The following RIC1 variants were observed in gnomAD, a reference collection of about 807,000 sequenced individuals.
The protein encoded by RIC1 is guanine nucleotide exchange factor subunit RIC1.
Under a neutral mutation model 169.0 loss-of-function variants are expected in RIC1, and 88 were observed. The ratio of observed to expected loss-of-function variants is 0.52; its 90% CI spans 0.44 to 0.62. RIC1 has a LOEUF of 0.62. Among genes scored for constraint, RIC1 ranks in the 20% least tolerant of loss-of-function variants. The probability of loss-of-function intolerance (pLI) is 0.00; values close to 1 mark genes in which losing one functional copy is unlikely to be tolerated. For missense variants in RIC1, 1,877 were observed against 1,725.5 expected (o/e 1.09, Z -1.56); for synonymous variants, 790 against 601.5 (o/e 1.31, Z -4.59).
chr9:5,713,774 C>G, intron 3 of RIC1, 122 bp from the exon 4 acceptor site: 2 of 547,936 alleles, frequency 3.7e-6, no homozygotes, highest in Non-Finnish European at 6.5e-6. Flanking sequence ...ATTTGAGAAT[C>G]TGAAGGATGA....
chr9:5,757,210 G>C (rs955764579), intron 16 of RIC1, 103 bp from the exon 17 acceptor site: 6 of 1,315,280 alleles, frequency 4.6e-6, no homozygotes, highest in Non-Finnish European at 6.4e-6. Flanking sequence ...TAAGACATCT[G>C]AGTCTTCCAT....
intron 5 of RIC1, 79 bp from the exon 6 acceptor site, chr9:5,720,535 A>G (rs183767978): frequency 7.3e-7 from 1 of 1,376,712 alleles, no homozygotes; most frequent in South Asian, 1.4e-5. Flanking sequence ...TTTTAAACTT[A>G]CAGGTTTTTC....
Position 5,629,326 on chromosome 9 carries a change from G to T in RIC1, c.17G>T (p.Gly6Val), listed in dbSNP as rs1344330223. 6.6e-7 allele frequency: 1 copy of T among 1,524,458 alleles called. No homozygotes were observed. Among genetic ancestry groups the T allele is most frequent in the Non-Finnish European group, 8.8e-7 (1 of 1,142,412 alleles). 94.4% of individuals were successfully genotyped at this position (1,524,458 alleles called of 1,614,324 possible). ...GCACGGACCATGTATTTTCTGAGCGGCTGGCCCAAGAGGCTGCTGTGCCCT... is the reference window on the plus strand; with the variant it reads ...GCACGGACCATGTATTTTCTGAGCGTCTGGCCCAAGAGGCTGCTGTGCCCT... Reference protein sequence around the residue: MYFLSGWPKRLLCPLG... With the variant: MYFLSVWPKRLLCPLG... The change falls in exon 1 of 26, where the codon GGC becomes GTC. Residue 6 changes from glycine (G) to valine (V), a missense_variant. By Grantham distance (109) the Gly-to-Val change is moderately radical (BLOSUM62 -3). Coordinates refer to ENST00000414202, the MANE Select transcript of RIC1 (RefSeq NM_020829.4).
At chr9:5,669,474 TG>T (rs1185347022) in intron 2 of RIC1, among the ~76,000 whole-genome samples, 1 of 152,244 alleles carries the variant, frequency 6.6e-6, no homozygotes, top group African/African-American at 2.4e-5. Context: ...TGCTCCTTTT[TG>T]TGACTGAGTA....
At position 5,720,637 on chromosome 9, in the gene RIC1, G is replaced by A. The variant is rs1587015305; in HGVS notation, c.607G>A (p.Asp203Asn). 6.2e-7 allele frequency: 1 copy of A among 1,606,596 alleles called. No individual in the cohort carries two copies. Among genetic ancestry groups the A allele is most frequent in the Non-Finnish European group, 8.5e-7 (1 of 1,177,772 alleles). ...AGTAGGTTCATTCCTGGGCTTCACAGACGTACACATCAGAGACATGGAATA... is the reference window on the plus strand; with the variant it reads ...AGTAGGTTCATTCCTGGGCTTCACAAACGTACACATCAGAGACATGGAATA... ...SRVGSFLGFT[D>N]VHIRDMEYCA... Residue 203 changes from aspartate to asparagine, a missense_variant, in exon 6 of 26, where the codon GAC (aspartate) becomes AAC (asparagine). By Grantham distance (23) the Asp-to-Asn change is conservative. Transcript: ENST00000414202.
intron 5 of RIC1, 104 bp downstream of exon 5, chr9:5,720,428 G>A: frequency 2.4e-6 from 3 of 1,262,790 alleles, no homozygotes; most frequent in Non-Finnish European, 2.2e-6. Flanking sequence ...TTATGCAAGG[G>A]GAGAGGTGGG....
chr9:5,727,891 C>T (rs1824099058), intron 6 of RIC1, among the ~76,000 whole-genome samples: 1 of 152,172 alleles, frequency 6.6e-6, no homozygotes, highest in Non-Finnish European at 1.5e-5. Flanking sequence ...GCTGCCTGAT[C>T]CTTCTTCTGG....
At chr9:5,753,083 A>C in intron 12 of RIC1, 117 bp from the exon 13 acceptor site, 1 of 829,402 alleles carries the variant, frequency 1.2e-6, no homozygotes, top group Non-Finnish European at 2.1e-6. Context: ...TCTGCTACTA[A>C]CTAGGGGGCA....
rs1265392504 is a variant in RIC1, at chr9:5,753,210, C to T, written c.1463C>T (p.Thr488Ile). The T allele has an allele frequency of 1.2e-6, 2 of 1,612,918 alleles. No homozygotes were observed. Among genetic ancestry groups the T allele is most frequent in the African/African-American group, 1.3e-5 (1 of 74,872 alleles). Residue 488 changes from threonine (T) to isoleucine (I), a missense_variant, in exon 13 of 26, where the codon ACC (threonine) becomes ATC (isoleucine). Coordinates refer to ENST00000414202, the MANE Select transcript of RIC1 (RefSeq NM_020829.4). ...TGTTATTTTCTATAGATTTCCAGCACCTATCTAGAGAGCAATTGGCCTATA... is the reference window on the plus strand; with the variant it reads ...TGTTATTTTCTATAGATTTCCAGCATCTATCTAGAGAGCAATTGGCCTATA... ...RHWHVVQISSTYLESNWPIRF... is the reference protein window; with the variant it reads ...RHWHVVQISSIYLESNWPIRF...
At chr9:5,760,943 C>T (rs1826290098) in intron 17 of RIC1, among the ~76,000 whole-genome samples, 1 of 152,048 alleles carries the variant, frequency 6.6e-6, no homozygotes, top group Non-Finnish European at 1.5e-5. Flanking sequence ...ACTCTTTCCT[C>T]CCTGAAATTC....
chr9:5,720,178 AC>A lies in RIC1; in HGVS notation c.441-3del. The stretch of plus-strand genomic sequence containing the variant: ...TCTTAAAAATTAATTGATTCTACCT[AC>A]AGTTTGCAGTCTGTGTTGGAAGATC... On this transcript the variant is annotated splice_polypyrimidine_tract_variant and splice_region_variant and intron_variant, in intron 4 of 25. Transcript: ENST00000414202. The A allele has an allele frequency of 6.2e-7, 1 of 1,608,818 alleles. No individual in the cohort carries two copies. The highest frequency in any genetic ancestry group is 8.5e-7 in the Non-Finnish European group (1 of 1,175,644).
chr9:5,630,710 T>C (rs1469202442), intron 1 of RIC1, among the ~76,000 whole-genome samples: 1 of 152,256 alleles, frequency 6.6e-6, no homozygotes, highest in African/African-American at 2.4e-5. Context: ...ACAATATGAC[T>C]ATTTTGTCTA....
intron 3 of RIC1, among the ~76,000 whole-genome samples, chr9:5,711,168 T>A (rs971556010): frequency 7.2e-5 from 11 of 152,240 alleles, no homozygotes; most frequent in Admixed American, 2.6e-4. Flanking sequence ...CCTAGGTACT[T>A]CAGAGGAAAA....
intron 2 of RIC1, among the ~76,000 whole-genome samples, chr9:5,683,307 C>T (rs10815268): frequency 0.32 from 48,236 of 151,908 alleles, 8,390 homozygotes; most frequent in East Asian, 0.6. Flanking sequence ...ATGATGGTGA[C>T]GTACAGGTGG....
intron 2 of RIC1, among the ~76,000 whole-genome samples, chr9:5,677,771 A>T (rs746656793): frequency 2.6e-5 from 4 of 152,156 alleles, no homozygotes; most frequent in Non-Finnish European, 5.9e-5. Flanking sequence ...ATAGCATTAT[A>T]TGTAAATTAA....
In RIC1 at chr9:5,724,543, C is replaced by T. The variant is rs566964920; in HGVS notation, c.720+3793C>T. On this transcript the variant is annotated intron_variant, in intron 6 of 25. Coordinates refer to ENST00000414202, the MANE Select transcript of RIC1 (RefSeq NM_020829.4). The stretch of plus-strand genomic sequence containing the variant: ...GACTTCCTCTTTTCCTAATTGAATA[C>T]CCTTTATTTCTTTCTTCTGCCTGAT... 3.9e-5 allele frequency among the ~76,000 whole-genome samples: 6 copies of T among 152,238 alleles called. No homozygotes were observed. The East Asian group carries it at 1.2e-3, about 29-fold the overall frequency.
At chr9:5,757,187 A>T in intron 16 of RIC1, 126 bp from the exon 17 acceptor site, 4 of 1,072,062 alleles carry the variant, frequency 3.7e-6, no homozygotes, top group Non-Finnish European at 5.5e-6. Flanking sequence ...TATGGGGAGA[A>T]GATGATAGGT....
At chr9:5,677,688 T>C (rs538830356) in intron 2 of RIC1, among the ~76,000 whole-genome samples, 1 of 152,140 alleles carries the variant, frequency 6.6e-6, no homozygotes, top group South Asian at 2.1e-4. Context: ...TTTATGTTCA[T>C]CTCAATTTTT....
At position 5,767,564 on chromosome 9, in the gene RIC1, C is replaced by T. The variant is rs532375473; in HGVS notation, c.3138-1406C>T. Among the ~76,000 whole-genome samples, 9 of 150,800 alleles carry T rather than the reference C, an allele frequency of 6.0e-5. No homozygotes were observed. The South Asian group carries it at 1.1e-3, about 18-fold the overall frequency. ...GGGCACATAGTGAGAGCTTATTGAA[C>T]GTTTGTTATTGTCATGTTTTACTGG... On this transcript the variant is annotated intron_variant, in intron 21 of 25. Coordinates refer to ENST00000414202, the MANE Select transcript of RIC1 (RefSeq NM_020829.4).
Sources: gnomAD v4.1 joint callset for allele counts (sites outside exome capture counted in the v4.1 genomes callset) on GRCh38, gnomAD v4.1.1 for gene constraint, MANE v1.5 for transcripts, NCBI Gene and HGNC (gene_info 2026-07-23, HGNC 2026-07-21) for gene names.